Variants in CAMK1D observed in about 807,000 individuals in gnomAD.
The protein encoded by CAMK1D is calcium/calmodulin dependent protein kinase ID.
A neutral mutation model predicts 47.7 loss-of-function variants in CAMK1D; 9 were observed. That is an observed-to-expected ratio of 0.19 (90% confidence interval 0.11 to 0.33). CAMK1D has a LOEUF of 0.33. Ranked by LOEUF, CAMK1D falls within the 10% of genes least tolerant of loss-of-function variation. The probability of loss-of-function intolerance (pLI) is 1.00; values close to 1 mark genes in which losing one functional copy is unlikely to be tolerated. For missense variants in CAMK1D, 291 were observed against 488.7 expected, an observed-to-expected ratio of 0.60 and a Z score of 3.81; for synonymous variants, 184 against 184.9, an observed-to-expected ratio of 0.99 and a Z score of 0.04.
At chr10:12,643,740 T>A (rs191350971) in intron 2 of CAMK1D, among the ~76,000 whole-genome samples, 324 of 152,002 alleles carry the variant, frequency 2.1e-3, no homozygotes, top group Admixed American at 4.5e-3. Flanking sequence ...AAAAATTAGC[T>A]AGGCATGGTG....
At chr10:12,794,036 A>G (rs1429336070) in intron 6 of CAMK1D, among the ~76,000 whole-genome samples, 2 of 152,214 alleles carry the variant, frequency 1.3e-5, no homozygotes, top group Non-Finnish European at 2.9e-5. Context: ...GATCTGATTT[A>G]CGTTCGAGTA....
At chr10:12,684,665 A>C (rs964917015) in intron 3 of CAMK1D, among the ~76,000 whole-genome samples, 2 of 152,216 alleles carry the variant, frequency 1.3e-5, no homozygotes, top group Non-Finnish European at 2.9e-5. Context: ...GTGGTTGGTA[A>C]AGACAATGTG....
intron 1 of CAMK1D, among the ~76,000 whole-genome samples, chr10:12,389,985 G>A (rs1287394308): frequency 6.6e-6 from 1 of 152,140 alleles, no homozygotes; most frequent in Admixed American, 6.5e-5. Context: ...GGGAGGTCCT[G>A]CCCCATGGGG....
intron 3 of CAMK1D, among the ~76,000 whole-genome samples, chr10:12,690,484 G>C (rs754067654): frequency 6.6e-6 from 1 of 152,148 alleles, no homozygotes; most frequent in Non-Finnish European, 1.5e-5. Flanking sequence ...AGAAATCTGT[G>C]AATATTTATG....
chr10:12,515,275 G>A (rs944927491), intron 1 of CAMK1D, among the ~76,000 whole-genome samples: 4 of 151,794 alleles, frequency 2.6e-5, no homozygotes, highest in African/African-American at 7.3e-5. Flanking sequence ...CACCACAATC[G>A]GATACAGAAC....
At chr10:12,817,207 C>G (rs1235321746) in intron 8 of CAMK1D, among the ~76,000 whole-genome samples, 1 of 152,234 alleles carries the variant, frequency 6.6e-6, no homozygotes, top group Non-Finnish European at 1.5e-5. Context: ...TGGGTGGGGA[C>G]AGAGCCAAAC....
chr10:12,534,824 C>G (rs1367533063), intron 1 of CAMK1D, among the ~76,000 whole-genome samples: 1 of 152,074 alleles, frequency 6.6e-6, no homozygotes, highest in African/African-American at 2.4e-5. Flanking sequence ...ACCTTGGAGT[C>G]CTCTGCATTT....
chr10:12,395,915 A>G (rs968039704), intron 1 of CAMK1D, among the ~76,000 whole-genome samples: 4 of 151,654 alleles, frequency 2.6e-5, no homozygotes, highest in African/African-American at 4.8e-5. Flanking sequence ...CAACAGAGTG[A>G]GACTCCGTCT....
chr10:12,739,429 C>G lies in CAMK1D; in HGVS notation c.300-21519C>G, dbSNP rs1033066032. Among the ~76,000 whole-genome samples, 20 of 151,270 alleles carry G rather than the reference C, an allele frequency of 1.3e-4. No homozygotes were observed. The South Asian group carries it at 2.5e-3, about 19-fold the overall frequency. ...TAGCTGGGATTACAGGTGCATGCCA[C>G]CACACCCGGCTAATTTTTTTTTTTT... On this transcript the variant is annotated intron_variant, in intron 3 of 10. Coordinates refer to ENST00000619168, the MANE Select transcript of CAMK1D (RefSeq NM_153498.4).
At chr10:12,672,211 G>A (rs1486758260) in intron 3 of CAMK1D, among the ~76,000 whole-genome samples, 3 of 151,752 alleles carry the variant, frequency 2.0e-5, no homozygotes, top group Non-Finnish European at 1.5e-5. Context: ...CACCTCGCCG[G>A]GCCACTGTCA....
At chr10:12,530,480 A>G (rs537263703) in intron 1 of CAMK1D, among the ~76,000 whole-genome samples, 22 of 152,326 alleles carry the variant, frequency 1.4e-4, no homozygotes, top group African/African-American at 5.1e-4. Flanking sequence ...TTGCCATTCA[A>G]CATGGTAGAT....
chr10:12,518,792 A>G (rs1835291349), intron 1 of CAMK1D, among the ~76,000 whole-genome samples: 1 of 105,592 alleles, frequency 9.5e-6, no homozygotes, highest in Non-Finnish European at 2.1e-5. Context: ...TTCAGAGAGC[A>G]CAGGGTTGGG....
chr10:12,411,294 C>G (rs1839647327), intron 1 of CAMK1D, among the ~76,000 whole-genome samples: 2 of 152,198 alleles, frequency 1.3e-5, no homozygotes, highest in Admixed American at 1.3e-4. Context: ...TAAAAAAGAA[C>G]TGAAACATTA....
chr10:12,751,128 A>AAGATAAGATAAGATAAGAT lies in CAMK1D; in HGVS notation c.300-9820_300-9819insAGATAAGATAAGATAAGAT, dbSNP rs1564535604. 4.1e-5 allele frequency among the ~76,000 whole-genome samples: 6 copies of AAGATAAGATAAGATAAGAT among 145,050 alleles called. No individual in the cohort carries two copies. In the East Asian group the frequency reaches 1.0e-3, roughly 25 times the overall value. ...TAAGATAAGATAAGATAAGATAAGA[A>AAGATAAGATAAGATAAGAT]GGCTTCAGAAGGCTTCTTTCGTGAG... On this transcript the variant is annotated intron_variant, in intron 3 of 10. Coordinates refer to ENST00000619168, the MANE Select transcript of CAMK1D (RefSeq NM_153498.4).
At chr10:12,624,406 C>G (rs145534281) in intron 2 of CAMK1D, among the ~76,000 whole-genome samples, 53 of 152,260 alleles carry the variant, frequency 3.5e-4, no homozygotes, top group African/African-American at 1.3e-3. Flanking sequence ...TGCCTAATTT[C>G]CCTCCCGTCA....
At chr10:12,731,798 G>A (rs1459326977) in intron 3 of CAMK1D, among the ~76,000 whole-genome samples, 1 of 152,198 alleles carries the variant, frequency 6.6e-6, no homozygotes, top group Non-Finnish European at 1.5e-5. Flanking sequence ...GAGTGGGCTG[G>A]AAAGATTGAA....
chr10:12,518,943 G>C lies in CAMK1D; in HGVS notation c.93-34282G>C, dbSNP rs1489532193. Among the ~76,000 whole-genome samples the C allele has an allele frequency of 5.4e-5, 7 of 128,644 alleles. No homozygotes were observed. The East Asian group carries it at 6.3e-4, about 12-fold the overall frequency. The allele number at this position is 128,644 out of a possible 152,430, so 84.4% of individuals were successfully genotyped here. ...TCTCAATTTTTTCCCCACCCTTCCC[G>C]CCTTTCTATTCCACAAAACCGCCAT... On this transcript the variant is annotated intron_variant, in intron 1 of 10. Coordinates refer to ENST00000619168, the MANE Select transcript of CAMK1D (RefSeq NM_153498.4).
intron 1 of CAMK1D, among the ~76,000 whole-genome samples, chr10:12,369,597 C>T (rs1250652614): frequency 6.6e-6 from 1 of 152,048 alleles, no homozygotes; most frequent in Non-Finnish European, 1.5e-5. Flanking sequence ...TAATGAGTTG[C>T]TATGTGTCAA....
At chr10:12,685,076 G>C (rs1461340607) in intron 3 of CAMK1D, among the ~76,000 whole-genome samples, 1 of 152,236 alleles carries the variant, frequency 6.6e-6, no homozygotes, top group East Asian at 1.9e-4. Context: ...CGAGGTGGGT[G>C]AATCATTTGA....
Sources: gnomAD v4.1 joint callset for allele counts (sites outside exome capture counted in the v4.1 genomes callset) on GRCh38, gnomAD v4.1.1 for gene constraint, MANE v1.5 for transcripts, NCBI Gene and HGNC (gene_info 2026-07-23, HGNC 2026-07-21) for gene names.